SLC7A1: variants seen among roughly 807,000 people sequenced by gnomAD.
The protein encoded by SLC7A1 is solute carrier family 7 member 1.
Under a neutral mutation model 53.9 loss-of-function variants are expected in SLC7A1, and 10 were observed. That is an observed-to-expected ratio of 0.19 (90% confidence interval 0.11 to 0.31). SLC7A1 has a LOEUF of 0.31. SLC7A1 is among the 10% of genes least tolerant of loss of function. The probability of loss-of-function intolerance (pLI) is 1.00; values close to 1 mark genes in which losing one functional copy is unlikely to be tolerated. For missense variants in SLC7A1, 525 were observed against 827.2 expected (o/e 0.63, Z 4.48); for synonymous variants, 342 against 338.7 (o/e 1.01, Z -0.11).
intron 1 of SLC7A1, among the ~76,000 whole-genome samples, chr13:29,576,659 G>T (rs1432285905): frequency 6.6e-6 from 1 of 151,984 alleles, no homozygotes; most frequent in African/African-American, 2.4e-5. Context: ...TGCCCTGTGG[G>T]CTTCCAGGAC....
chr13:29,515,677 A>G (rs1593537343), intron 12 of SLC7A1, among the ~76,000 whole-genome samples: 1 of 152,272 alleles, frequency 6.6e-6, no homozygotes, highest in Non-Finnish European at 1.5e-5. Context: ...CTGGTGATCT[A>G]TCTCATGTGG....
At chr13:29,593,920 T>C (rs1442308533) in intron 1 of SLC7A1, among the ~76,000 whole-genome samples, 1 of 152,254 alleles carries the variant, frequency 6.6e-6, no homozygotes, top group Non-Finnish European at 1.5e-5. Flanking sequence ...ACCTTTATAA[T>C]AATTAAACAT....
rs1209332883 is a variant in SLC7A1, at chr13:29,557,093, C to T, written c.-114-3233G>A. On this transcript the variant is annotated intron_variant, in intron 1 of 12. Transcript: ENST00000380752. ...TTTCTTTAATCCAAGAATGTTCCAA[C>T]CAATTTATTGTAATTTTTGAGATTT... Among the ~76,000 whole-genome samples, 3 of 152,196 alleles carry T rather than the reference C, an allele frequency of 2.0e-5. No homozygotes were observed. The East Asian group carries it at 5.8e-4, about 29-fold the overall frequency.
chr13:29,542,859 C>T (rs1426244832), intron 2 of SLC7A1, among the ~76,000 whole-genome samples: 2 of 151,958 alleles, frequency 1.3e-5, no homozygotes, highest in African/African-American at 4.8e-5. Flanking sequence ...AAAGAAACAA[C>T]GGCACAGTGC....
chr13:29,544,475 C>T lies in SLC7A1; in HGVS notation c.-14-8273G>A, dbSNP rs138191892. ...TCCTTTACATTTTACTTCATCTTTT[C>T]GCCCCCTTATCAGGTAGGCAATACT... On this transcript the variant is annotated intron_variant, in intron 2 of 12. Transcript: ENST00000380752. 3.4e-3 allele frequency among the ~76,000 whole-genome samples: 516 copies of T among 152,310 alleles called. 2 individuals are homozygous for T. Among genetic ancestry groups the T allele is most frequent in the African/African-American group, 0.011 (466 of 41,560 alleles).
At chr13:29,562,386 C>G (rs1281934045) in intron 1 of SLC7A1, among the ~76,000 whole-genome samples, 1 of 152,138 alleles carries the variant, frequency 6.6e-6, no homozygotes, top group Admixed American at 6.5e-5. Context: ...TCCAAAAATC[C>G]AAAATCTGAA....
rs1868454726 is a variant in SLC7A1, at chr13:29,518,275, T to A, written c.1293-485A>T. On this transcript the variant is annotated intron_variant, in intron 9 of 12. Coordinates refer to ENST00000380752, the MANE Select transcript of SLC7A1 (RefSeq NM_003045.5). ...GTGTGACTTAATTGGATCAATTTATTTTAAAACTCCAAGTACCTTAGGGTA... is the reference window on the plus strand; with the variant it reads ...GTGTGACTTAATTGGATCAATTTATATTAAAACTCCAAGTACCTTAGGGTA... 2.0e-5 allele frequency among the ~76,000 whole-genome samples: 3 copies of A among 152,220 alleles called. 1 individual carries two copies. In the South Asian group the frequency reaches 6.2e-4, roughly 32 times the overall value.
At chr13:29,535,012 C>A (rs1032805471) in intron 3 of SLC7A1, among the ~76,000 whole-genome samples, 18 of 152,154 alleles carry the variant, frequency 1.2e-4, no homozygotes, top group African/African-American at 4.3e-4. Context: ...GTGTTACAGG[C>A]CGATGCCCAG....
intron 4 of SLC7A1, among the ~76,000 whole-genome samples, chr13:29,531,096 C>T (rs1869136492): frequency 6.6e-6 from 1 of 152,182 alleles, no homozygotes; most frequent in Non-Finnish European, 1.5e-5. Flanking sequence ...TGGGAAACAA[C>T]CTCTAGGAAC....
intron 6 of SLC7A1, 40 bp downstream of exon 6, chr13:29,524,092 G>T (rs756977959): frequency 6.2e-7 from 1 of 1,607,108 alleles, no homozygotes; most frequent in East Asian, 2.2e-5. Flanking sequence ...TTTGCCCAGG[G>T]TGCAGGAGGA....
intron 5 of SLC7A1, among the ~76,000 whole-genome samples, chr13:29,525,628 T>G (rs1360411220): frequency 1.3e-5 from 2 of 152,194 alleles, no homozygotes; most frequent in Non-Finnish European, 2.9e-5. Flanking sequence ...ATCACAGCTC[T>G]CAGTTACAGA....
intron 2 of SLC7A1, among the ~76,000 whole-genome samples, chr13:29,540,183 G>A (rs1004135954): frequency 2.0e-4 from 31 of 152,216 alleles, no homozygotes; most frequent in Admixed American, 2.0e-3. Context: ...ACTTCCTGCT[G>A]TTGGGGTTTA....
chr13:29,510,470 T>C lies in SLC7A1; in HGVS notation c.*4010A>G, dbSNP rs1345019400. On this transcript the variant is annotated 3_prime_UTR_variant, in exon 13 of 13. Transcript: ENST00000380752. ...TACATCTCCCTCTCCCTTCAGAGCC[T>C]TACATATAATCTTCTCATGACGATG... The C allele has an allele frequency of 6.6e-6, 1 of 152,422 alleles. No individual in the cohort carries two copies. The highest frequency in any genetic ancestry group is 2.4e-5 in the African/African-American group (1 of 41,450). The allele number at this position is 152,422 out of a possible 1,614,324, so 9.4% of individuals were successfully genotyped here. A position where few individuals can be genotyped will look rare whatever the true frequency, so the allele number is the denominator to read the frequency against.
intron 1 of SLC7A1, among the ~76,000 whole-genome samples, chr13:29,588,078 TA>T (rs1871961359): frequency 6.6e-6 from 1 of 152,208 alleles, no homozygotes; most frequent in South Asian, 2.1e-4. Context: ...CACTTTTTCT[TA>T]AAAAGGCTTA....
In SLC7A1 at chr13:29,540,735, T is replaced by A. The variant is rs1422421343; in HGVS notation, c.-14-4533A>T. Among the ~76,000 whole-genome samples the A allele has an allele frequency of 4.6e-5, 7 of 152,306 alleles. No homozygotes were observed. The East Asian group carries it at 1.4e-3, about 29-fold the overall frequency. ...CTTCCCCTTTCAGTGGCCTTCAGAATGGCCAGGCCCCAGTCGACCCCTTTC... is the reference window on the plus strand; with the variant it reads ...CTTCCCCTTTCAGTGGCCTTCAGAAAGGCCAGGCCCCAGTCGACCCCTTTC... On this transcript the variant is annotated intron_variant, in intron 2 of 12. Transcript: ENST00000380752.
At position 29,513,454 on chromosome 13, in the gene SLC7A1, T is replaced by TG. The variant is rs199667020; in HGVS notation, c.*1025dup. ...TGTCACAGAGAGGCCAGACAGCTTA[T>TG]GTCAGGGCCAGAAACGCATGACCCC... On this transcript the variant is annotated 3_prime_UTR_variant, in exon 13 of 13. Coordinates refer to ENST00000380752, the MANE Select transcript of SLC7A1 (RefSeq NM_003045.5). The TG allele has an allele frequency of 8.5e-3, 1,299 of 152,818 alleles. 11 individuals are homozygous for TG. The highest frequency in any genetic ancestry group is 0.014 in the Non-Finnish European group (962 of 68,042). The allele number at this position is 152,818 out of a possible 1,614,324, so 9.5% of individuals were successfully genotyped here.
chr13:29,570,210 C>T (rs753422096), intron 1 of SLC7A1, among the ~76,000 whole-genome samples: 3 of 152,204 alleles, frequency 2.0e-5, no homozygotes, highest in Admixed American at 6.5e-5. Flanking sequence ...CCTCCTCTGC[C>T]CCGAACTCAG....
intron 2 of SLC7A1, among the ~76,000 whole-genome samples, chr13:29,539,186 C>T (rs965268179): frequency 3.9e-5 from 6 of 151,950 alleles, no homozygotes; most frequent in African/African-American, 1.5e-4. Context: ...ACTCCTTTCT[C>T]AAAAACGTGC....
intron 2 of SLC7A1, among the ~76,000 whole-genome samples, chr13:29,538,656 C>T (rs1869532650): frequency 6.6e-6 from 1 of 152,202 alleles, no homozygotes; most frequent in African/African-American, 2.4e-5. Context: ...TCTTTTCTTC[C>T]TTTTGGGGAA....
Sources: allele counts gnomAD v4.1 joint callset (sites outside exome capture counted in the v4.1 genomes callset), GRCh38; gene constraint gnomAD v4.1.1; transcripts MANE v1.5; gene names NCBI Gene and HGNC (gene_info 2026-07-23, HGNC 2026-07-21).